The following FLNB variants were observed in gnomAD, a reference collection of about 807,000 sequenced individuals.
FLNB encodes filamin B.
Under a neutral mutation model 250.6 loss-of-function variants are expected in FLNB, and 111 were observed. That is an observed-to-expected ratio of 0.44 (90% CI 0.38 to 0.52). The LOEUF is 0.52. Ranked by LOEUF, FLNB falls within the 20% of genes least tolerant of loss-of-function variation. FLNB has a pLI of 0.00. For synonymous variants in FLNB, 1,302 were observed against 1,372.1 expected (o/e 0.95, Z 1.13); for missense variants, 2,869 against 3,447.8 (o/e 0.83, Z 4.20).
chr3:58,150,390 T>A, intron 38 of FLNB, 163 bp downstream of exon 38: 1 of 783,582 alleles, frequency 1.3e-6, no homozygotes, highest in Non-Finnish European at 2.1e-6. Context: ...TCTATGTTTA[T>A]TTTCACAGAG....
rs565005778 is a variant in FLNB at position 58,149,199 on chromosome 3, T to C, written c.6091+347T>C. ...TCCAAGCAAAGAATGTTGGGTTGAT[T>C]GGCCAAGACCATGGTCATCTGAGCA... On this transcript the variant is annotated intron_variant, in intron 36 of 45. Coordinates refer to ENST00000295956, the MANE Select transcript of FLNB (RefSeq NM_001457.4). 6.0e-4 allele frequency: 218 copies of C among 360,510 alleles called. 2 individuals carry two copies. Among genetic ancestry groups the C allele is most frequent in the South Asian group, 5.3e-3 (214 of 40,702 alleles). 22.3% of individuals were successfully genotyped at this position (360,510 alleles called of 1,614,324 possible). A position where few individuals can be genotyped will look rare whatever the true frequency, so the allele number is the denominator to read the frequency against.
intron 4 of FLNB, among the ~76,000 whole-genome samples, chr3:58,089,072 G>A (rs535028481): frequency 1.5e-4 from 22 of 151,128 alleles, no homozygotes; most frequent in African/African-American, 5.1e-4. Context: ...AGAAGACCCA[G>A]AGTCTCATTA....
intron 1 of FLNB, among the ~76,000 whole-genome samples, chr3:58,072,469 C>T (rs997420075): frequency 6.6e-6 from 1 of 152,276 alleles, no homozygotes; most frequent in South Asian, 2.1e-4. Flanking sequence ...TTGCAGAGCA[C>T]GTTCAGATCT....
chr3:58,155,603 T>A (rs2097352159), intron 40 of FLNB, among the ~76,000 whole-genome samples: 1 of 152,216 alleles, frequency 6.6e-6, no homozygotes, highest in Non-Finnish European at 1.5e-5. Context: ...AAGTCATATG[T>A]ACTTATAATG....
intron 4 of FLNB, among the ~76,000 whole-genome samples, chr3:58,091,519 C>CA (rs2097227324): frequency 6.6e-6 from 1 of 151,612 alleles, no homozygotes; most frequent in South Asian, 2.1e-4. Flanking sequence ...AACCAAAAAA[C>CA]AAAAAACCCA....
In FLNB at chr3:58,123,400, A is replaced by G; in HGVS notation, c.3434A>G (p.His1145Arg). 2 of 1,614,134 alleles carry G rather than the reference A, an allele frequency of 1.2e-6. No individual in the cohort carries two copies. Among genetic ancestry groups the G allele is most frequent in the Non-Finnish European group, 1.7e-6 (2 of 1,180,014 alleles). Residue 1145 changes from histidine (H) to arginine (R), a missense_variant, in exon 21 of 46, where the codon CAC (histidine) becomes CGC (arginine). Around this residue, in one of 5 missense-constraint regions of FLNB, gnomAD observed 1,348 missense variants for 1,466.7 expected, o/e 0.92. Coordinates refer to ENST00000295956, the MANE Select transcript of FLNB (RefSeq NM_001457.4). Reference protein sequence around the residue: ...KVVASGPGLEHGKVGEAGLLS... With the variant: ...KVVASGPGLERGKVGEAGLLS... ...GTGGCATCGGGGCCAGGTCTCGAGC[A>G]CGGGAAGGTGGGTGAAGCTGGCCTC... is the stretch of plus-strand genomic sequence containing the variant.
chr3:58,047,331 G>T (rs534680688), intron 1 of FLNB, among the ~76,000 whole-genome samples: 2 of 152,018 alleles, frequency 1.3e-5, no homozygotes, highest in African/African-American at 4.8e-5. Context: ...TAGCAATAAT[G>T]TTTCCTTCCC....
intron 8 of FLNB, 42 bp from the exon 9 acceptor site, chr3:58,102,161 A>G (rs894756289): frequency 1.9e-6 from 3 of 1,612,932 alleles, no homozygotes; most frequent in African/African-American, 1.3e-5. Flanking sequence ...GACTCTGACT[A>G]AAGAATGAAA....
chr3:58,019,704 C>A (rs1156760354), intron 1 of FLNB, among the ~76,000 whole-genome samples: 1 of 152,058 alleles, frequency 6.6e-6, no homozygotes, highest in Non-Finnish European at 1.5e-5. Context: ...TTGCTTTGCT[C>A]CAAACTTTAC....
In FLNB at chr3:58,148,247, G is replaced by T; in HGVS notation, c.5770G>T (p.Ala1924Ser). Residue 1924 changes from alanine to serine, a missense_variant, in exon 35 of 46, where the codon GCT (alanine) becomes TCT (serine). Transcript: ENST00000295956. ...CTCCCAGGTGAAGTTGGGCTCAGCC[G>T]CTGACTTCCTGCTCGACATCAGTGA... ...RCSQVKLGSA[A>S]DFLLDISETD... The T allele has an allele frequency of 6.2e-7, 1 of 1,614,192 alleles. No individual in the cohort carries two copies. The highest frequency in any genetic ancestry group is 8.5e-7 in the Non-Finnish European group (1 of 1,180,046).
chr3:58,160,504 C>G (rs1455777342), intron 42 of FLNB, among the ~76,000 whole-genome samples: 1 of 152,152 alleles, frequency 6.6e-6, no homozygotes, highest in Non-Finnish European at 1.5e-5. Flanking sequence ...ACTAGTACCA[C>G]AGGAGAACTG....
chr3:58,146,374 TG>T (rs2097335807), intron 33 of FLNB, among the ~76,000 whole-genome samples: 1 of 152,346 alleles, frequency 6.6e-6, no homozygotes, highest in Admixed American at 6.5e-5. Context: ...ACTTACTGAG[TG>T]GCTCTTTTTG....
intron 1 of FLNB, among the ~76,000 whole-genome samples, chr3:58,014,730 TC>T (rs2097103523): frequency 6.6e-6 from 1 of 152,004 alleles, no homozygotes; most frequent in East Asian, 1.9e-4. Flanking sequence ...CCTTGCGTTT[TC>T]TTTTTCTTTT....
rs1219040924 is a variant in FLNB, at chr3:58,008,462, ACC to A, written c.-100_-99del. ...GTGGCTCCGGTAGCAGCAAGTTCGA[ACC>A]CCGCTCCCGCTCCGCTTCGGTTCTC... is the stretch of plus-strand genomic sequence containing the variant. On this transcript the variant is annotated 5_prime_UTR_variant, in exon 1 of 46. Coordinates refer to ENST00000295956, the MANE Select transcript of FLNB (RefSeq NM_001457.4). 2.1e-6 allele frequency: 3 copies of A among 1,398,438 alleles called. No individual in the cohort carries two copies. In the East Asian group the frequency reaches 7.5e-5, roughly 35 times the overall value. The allele number at this position is 1,398,438 out of a possible 1,614,324, so 86.6% of individuals were successfully genotyped here. A position where few individuals can be genotyped will look rare whatever the true frequency, so the allele number is the denominator to read the frequency against.
intron 29 of FLNB, among the ~76,000 whole-genome samples, 174 bp downstream of exon 29, chr3:58,138,703 C>T (rs1480114090): frequency 6.6e-6 from 1 of 152,092 alleles, no homozygotes; most frequent in African/African-American, 2.4e-5. Flanking sequence ...ACTCAGAGAC[C>T]CTTTGGCTGT....
At chr3:58,086,172 T>C (rs63592561) in intron 4 of FLNB, among the ~76,000 whole-genome samples, 1 of 141,010 alleles carries the variant, frequency 7.1e-6, no homozygotes, top group East Asian at 2.3e-4. Context: ...TTTTTTTTTT[T>C]AATATTTTAG....
chr3:58,160,070 A>G (rs1277307215), intron 42 of FLNB, among the ~76,000 whole-genome samples: 1 of 152,108 alleles, frequency 6.6e-6, no homozygotes, highest in Non-Finnish European at 1.5e-5. Flanking sequence ...AAAAACACAT[A>G]CACACAACAC....
chr3:58,111,153 A>G (rs987752529), intron 16 of FLNB, among the ~76,000 whole-genome samples: 3 of 152,236 alleles, frequency 2.0e-5, no homozygotes, highest in Admixed American at 1.3e-4. Flanking sequence ...CTCCACCCTT[A>G]AATTTTTATA....
intron 1 of FLNB, among the ~76,000 whole-genome samples, chr3:58,019,248 C>G (rs1327753891): frequency 6.6e-6 from 1 of 152,198 alleles, no homozygotes; most frequent in East Asian, 1.9e-4. Flanking sequence ...AACCACTAAT[C>G]AATGCTATTT....
Sources: allele counts gnomAD v4.1 joint callset (sites outside exome capture counted in the v4.1 genomes callset), GRCh38; gene constraint gnomAD v4.1.1; regional missense constraint gnomAD v4.1.1; transcripts MANE v1.5; gene names NCBI Gene and HGNC (gene_info 2026-07-23, HGNC 2026-07-21).